PPT1: variants seen among roughly 807,000 people sequenced by gnomAD.
The protein encoded by PPT1 is ceroid-palmitoyl-palmitoyl-protein thioesterase 1.
A neutral mutation model predicts 44.0 loss-of-function variants in PPT1; 24 were observed. The ratio of observed to expected loss-of-function variants is 0.54; its 90% CI spans 0.39 to 0.77. The LOEUF (loss-of-function observed/expected upper bound fraction) is 0.77. Ranked by LOEUF, PPT1 falls within the 30% of genes least tolerant of loss-of-function variation. The pLI, the probability that PPT1 is intolerant of heterozygous loss-of-function variation, is 0.00. For missense variants in PPT1, 341 were observed against 378.8 expected (o/e 0.90, Z 0.83); for synonymous variants, 148 against 140.2 (o/e 1.06, Z -0.39).
At chr1:40,091,462 C>A in intron 3 of PPT1, 63 bp from the exon 4 acceptor site, 1 of 1,430,736 alleles carries the variant, frequency 7.0e-7, no homozygotes, top group Non-Finnish European at 9.8e-7. Flanking sequence ...CCACAATCAG[C>A]ATCACAGATT....
chr1:40,087,570 AC>A (rs1391822901), intron 5 of PPT1, among the ~76,000 whole-genome samples: 2 of 151,648 alleles, frequency 1.3e-5, no homozygotes, highest in Non-Finnish European at 2.9e-5. Flanking sequence ...GTCACTTGTC[AC>A]CCCCCGACGG....
At chr1:40,077,451 A>G (rs963149398) in intron 7 of PPT1, among the ~76,000 whole-genome samples, 5 of 152,246 alleles carry the variant, frequency 3.3e-5, no homozygotes, top group African/African-American at 1.2e-4. Context: ...CATAATCTTT[A>G]TATGTCCAAA....
At chr1:40,090,036 G>C (rs1649469495) in intron 4 of PPT1, among the ~76,000 whole-genome samples, 1 of 152,156 alleles carries the variant, frequency 6.6e-6, no homozygotes, top group Non-Finnish European at 1.5e-5. Flanking sequence ...CCTTGTCCAA[G>C]GTTAGACAAT....
intron 8 of PPT1, among the ~76,000 whole-genome samples, chr1:40,075,623 T>C (rs1648576331): frequency 6.6e-6 from 1 of 152,010 alleles, no homozygotes; most frequent in African/African-American, 2.4e-5. Context: ...TAGACGGTGA[T>C]TGGTTCAGAT....
In PPT1 at chr1:40,092,462, A is replaced by G. The variant is rs766489334; in HGVS notation, c.170T>C (p.Met57Thr). The change falls in exon 2 of 9, where the codon ATG (methionine) becomes ACG (threonine). Residue 57 changes from methionine to threonine, a missense_variant. Physicochemically the swap from Met to Thr is moderately conservative, Grantham distance 81. Coordinates refer to ENST00000642050, the MANE Select transcript of PPT1 (RefSeq NM_000310.4). ...NPLSMGAIKK[M>T]VEKKIPGIYV... Reference sequence around the variant, plus strand: ...AATTCCAGGTATTTTCTTCTCCACCATTTTTTTAATAGCACCCATGCTTAA... The same window carrying G: ...AATTCCAGGTATTTTCTTCTCCACCGTTTTTTTAATAGCACCCATGCTTAA... 6.2e-7 allele frequency: 1 copy of G among 1,613,844 alleles called. No homozygotes were observed. Among genetic ancestry groups the G allele is most frequent in the Admixed American group, 1.7e-5 (1 of 60,010 alleles).
At chr1:40,076,528 A>T in intron 8 of PPT1, 1 of 864,874 alleles carries the variant, frequency 1.2e-6, no homozygotes, top group Non-Finnish European at 1.4e-6. Flanking sequence ...AGCAGACTGT[A>T]CCTCAGCCAA....
intron 7 of PPT1, among the ~76,000 whole-genome samples, 172 bp downstream of exon 7, chr1:40,078,388 G>C (rs1216588242): frequency 6.6e-6 from 1 of 152,158 alleles, no homozygotes; most frequent in African/African-American, 2.4e-5. Flanking sequence ...TTTGAGTAGC[G>C]ATGGGGTTTC....
chr1:40,077,655 A>T (rs1488207066), intron 7 of PPT1, among the ~76,000 whole-genome samples: 1 of 152,184 alleles, frequency 6.6e-6, no homozygotes, highest in Non-Finnish European at 1.5e-5. Context: ...ACATAACGTG[A>T]TGAGTGTTTT....
chr1:40,081,454 T>C (rs1328351980), intron 5 of PPT1, among the ~76,000 whole-genome samples: 3 of 152,072 alleles, frequency 2.0e-5, no homozygotes, highest in African/African-American at 2.4e-5. Context: ...GGAGAATCGC[T>C]TGAACCTGGG....
At position 40,091,346 on chromosome 1, in the gene PPT1, A is replaced by G. The variant is rs766961054; in HGVS notation, c.416T>C (p.Val139Ala). ...PSPPMINLISVGGQHQGVFGL... is the reference protein window; with the variant it reads ...PSPPMINLISAGGQHQGVFGL... The stretch of plus-strand genomic sequence containing the variant: ...AAAGTTACCTTGATGTTGTCCCCCA[A>G]CCGAGATCAGATTGATCATGGGAGG... The change falls in exon 4 of 9, where the codon GTT (valine) becomes GCT (alanine). Residue 139 changes from valine to alanine, a missense_variant. Val to Ala is a moderately conservative substitution (Grantham distance 64). Transcript: ENST00000642050. 1.9e-5 allele frequency: 31 copies of G among 1,614,064 alleles called. No individual in the cohort carries two copies. The highest frequency in any genetic ancestry group is 1.7e-4 in the Middle Eastern group (1 of 6,060).
intron 8 of PPT1, chr1:40,076,613 T>C: frequency 1.5e-6 from 2 of 1,363,682 alleles, no homozygotes; most frequent in African/African-American, 1.5e-5. Flanking sequence ...TTGGAAACCA[T>C]AAGGTTTCAG....
At chr1:40,089,141 G>A (rs1285427858) in intron 5 of PPT1, among the ~76,000 whole-genome samples, 1 of 152,024 alleles carries the variant, frequency 6.6e-6, no homozygotes, top group Non-Finnish European at 1.5e-5. Flanking sequence ...TACAAAATTA[G>A]CCAGGCGTAG....
chr1:40,078,471 G>C, intron 7 of PPT1, 89 bp downstream of exon 7: 2 of 1,325,238 alleles, frequency 1.5e-6, no homozygotes, highest in South Asian at 2.3e-5. Flanking sequence ...CAGAGTGCTG[G>C]GATTACAGGC....
At chr1:40,091,112 G>A (rs569615820) in intron 4 of PPT1, among the ~76,000 whole-genome samples, 70 of 152,304 alleles carry the variant, frequency 4.6e-4, no homozygotes, top group Admixed American at 1.4e-3. Context: ...AATGAAATTG[G>A]AGAGAAGTAG....
intron 5 of PPT1, among the ~76,000 whole-genome samples, chr1:40,081,526 G>A (rs183362151): frequency 1.4e-5 from 2 of 147,126 alleles, no homozygotes; most frequent in East Asian, 4.0e-4. Flanking sequence ...GACAGAGCGA[G>A]AATCCATCTC....
At chr1:40,071,845 C>G (rs1648103392), downstream of PPT1, 1 of 460,044 alleles carries the variant, frequency 2.2e-6, no homozygotes, top group Non-Finnish European at 3.8e-6. Flanking sequence ...GGTTATTCTA[C>G]CAACAAACAG....
In PPT1 at chr1:40,078,774, G is replaced by A. The variant is rs139790073; in HGVS notation, c.628-116C>T. The A allele has an allele frequency of 3.4e-4, 293 of 862,422 alleles. 2 individuals are homozygous for A. In the African/African-American group the frequency reaches 4.2e-3, roughly 12 times the overall value. 53.4% of individuals were successfully genotyped at this position (862,422 alleles called of 1,614,324 possible). A position where few individuals can be genotyped will look rare whatever the true frequency, so the allele number is the denominator to read the frequency against. ...TGTGCCACTGTGTTTCTTCCCCATGGGTATGGGCTGTTTTCCAGCTTCCTG... is the reference window on the plus strand; with the variant it reads ...TGTGCCACTGTGTTTCTTCCCCATGAGTATGGGCTGTTTTCCAGCTTCCTG... On this transcript the variant is annotated intron_variant, in intron 6 of 8. Coordinates refer to ENST00000642050, the MANE Select transcript of PPT1 (RefSeq NM_000310.4).
chr1:40,084,914 G>T (rs1480304803), intron 5 of PPT1, among the ~76,000 whole-genome samples: 2 of 152,188 alleles, frequency 1.3e-5, no homozygotes, highest in East Asian at 3.9e-4. Context: ...CAGCGTCTGG[G>T]AAGATGTCCG....
At chr1:40,071,954 G>A (rs1245612937), downstream of PPT1, 9 of 409,234 alleles carry the variant, frequency 2.2e-5, no homozygotes, top group Non-Finnish European at 3.9e-5. Context: ...AGAAGCTGGT[G>A]TGTTTCCAGA....
Sources: gnomAD v4.1 joint callset for allele counts (sites outside exome capture counted in the v4.1 genomes callset) on GRCh38, gnomAD v4.1.1 for gene constraint, MANE v1.5 for transcripts, NCBI Gene and HGNC (gene_info 2026-07-23, HGNC 2026-07-21) for gene names.